Variants in VEPH1 observed in about 807,000 individuals in gnomAD.
The protein encoded by VEPH1 is ventricular zone expressed PH domain containing 1.
A neutral mutation model predicts 85.2 loss-of-function variants in VEPH1; 80 were observed. That is an observed-to-expected ratio of 0.94 (90% confidence interval 0.78 to 1.13). The LOEUF (loss-of-function observed/expected upper bound fraction) is 1.13. VEPH1 is among the 50% of genes most tolerant of loss of function. VEPH1 has a pLI of 0.00. For missense variants in VEPH1, 955 were observed against 980.5 expected (o/e 0.97, Z 0.35); for synonymous variants, 297 against 348.0 (o/e 0.85, Z 1.63).
chr3:157,289,336 G>GA (rs1234857222), intron 11 of VEPH1, among the ~76,000 whole-genome samples: 8 of 152,112 alleles, frequency 5.3e-5, no homozygotes, highest in Non-Finnish European at 8.8e-5. Context: ...ATTTGTCTTG[G>GA]AAAAAAGTTT....
intron 3 of VEPH1, among the ~76,000 whole-genome samples, chr3:157,466,552 C>A (rs765157311): frequency 6.6e-6 from 1 of 152,202 alleles, no homozygotes; most frequent in East Asian, 1.9e-4. Flanking sequence ...TATGTAATAT[C>A]ATTTTTAACT....
intron 6 of VEPH1, among the ~76,000 whole-genome samples, chr3:157,407,342 T>G (rs1731222879): frequency 6.6e-6 from 1 of 152,188 alleles, no homozygotes; most frequent in African/African-American, 2.4e-5. Flanking sequence ...TGGAAAGCAA[T>G]GTACTTCCAG....
chr3:157,336,725 A>G (rs1007531627), intron 9 of VEPH1, among the ~76,000 whole-genome samples: 4 of 152,212 alleles, frequency 2.6e-5, no homozygotes, highest in African/African-American at 9.7e-5. Flanking sequence ...AATGTGGAAA[A>G]ATATAATCTA....
intron 12 of VEPH1, among the ~76,000 whole-genome samples, chr3:157,269,642 G>GTTTTTTTT (rs11408861): frequency 7.1e-4 from 82 of 115,410 alleles, no homozygotes; most frequent in African/African-American, 1.4e-3. Context: ...TGTTTTTGTT[G>GTTTTTTTT]TTTTTTTTTT....
chr3:157,348,864 C>G (rs1724535801), intron 9 of VEPH1, among the ~76,000 whole-genome samples: 2 of 152,228 alleles, frequency 1.3e-5, no homozygotes, highest in Admixed American at 6.5e-5. Context: ...CACTCAAGGT[C>G]TGAAAAATGG....
intron 7 of VEPH1, among the ~76,000 whole-genome samples, chr3:157,377,085 GA>G (rs1728208167): frequency 6.6e-6 from 1 of 152,172 alleles, no homozygotes; most frequent in African/African-American, 2.4e-5. Context: ...GAGCCGTTCA[GA>G]CAAAAGGCTG....
rs377094292 is a variant in VEPH1 at position 157,393,860 on chromosome 3, T to C, written c.907-12484A>G. On this transcript the variant is annotated intron_variant, in intron 6 of 13. Transcript: ENST00000362010. ...AGGTATATGATTGTTTTTCCTATTC[T>C]ATTGGAAGACTTTTGTTACCTCCGG... is the stretch of plus-strand genomic sequence containing the variant. 5.7e-4 allele frequency among the ~76,000 whole-genome samples: 87 copies of C among 152,354 alleles called. 2 individuals are homozygous for C. The South Asian group carries it at 0.014, about 25-fold the overall frequency.
At chr3:157,414,170 G>T in intron 5 of VEPH1, 80 bp from the exon 6 acceptor site, 1 of 1,217,672 alleles carries the variant, frequency 8.2e-7, no homozygotes, top group Non-Finnish European at 1.1e-6. Context: ...AATTTTGAAA[G>T]CAAACTTTTT....
At chr3:157,262,073 C>T (rs1162216220) in intron 13 of VEPH1, among the ~76,000 whole-genome samples, 6 of 152,144 alleles carry the variant, frequency 3.9e-5, no homozygotes, top group African/African-American at 1.4e-4. Flanking sequence ...AGAATCTTGC[C>T]AATTCTCCTT....
chr3:157,485,941 A>G (rs1393235559), intron 2 of VEPH1, among the ~76,000 whole-genome samples: 1 of 152,182 alleles, frequency 6.6e-6, no homozygotes. Context: ...ACTTGTGCAT[A>G]CATAATAAAA....
chr3:157,285,877 C>G (rs1473189496), intron 12 of VEPH1, among the ~76,000 whole-genome samples: 1 of 152,224 alleles, frequency 6.6e-6, no homozygotes, highest in Non-Finnish European at 1.5e-5. Flanking sequence ...CCATACCTCT[C>G]TGTGCCTCAG....
chr3:157,422,947 G>A (rs1732460380), intron 5 of VEPH1, among the ~76,000 whole-genome samples: 1 of 152,064 alleles, frequency 6.6e-6, no homozygotes, highest in African/African-American at 2.4e-5. Flanking sequence ...AACAACTGGT[G>A]AGCCCCAATT....
chr3:157,303,503 C>T (rs185062718), intron 11 of VEPH1, among the ~76,000 whole-genome samples: 9 of 152,312 alleles, frequency 5.9e-5, no homozygotes, highest in African/African-American at 2.2e-4. Context: ...TGTTATTTCT[C>T]ATGCCATTCT....
Position 157,259,932 on chromosome 3 carries a change from T to C in VEPH1, c.*1202A>G, listed in dbSNP as rs1282746935. The stretch of plus-strand genomic sequence containing the variant: ...ATGGTTGTTCACAAAACTTATTTCC[T>C]TGCAGCCGTAGAGCTCATGGCAGCT... On this transcript the variant is annotated 3_prime_UTR_variant, in exon 14 of 14. Transcript: ENST00000362010. 1.3e-5 allele frequency: 2 copies of C among 152,148 alleles called. No homozygotes were observed. The highest frequency in any genetic ancestry group is 2.9e-5 in the Non-Finnish European group (2 of 68,024). 9.4% of individuals were successfully genotyped at this position (152,148 alleles called of 1,614,324 possible). A position where few individuals can be genotyped will look rare whatever the true frequency, so the allele number is the denominator to read the frequency against.
intron 9 of VEPH1, among the ~76,000 whole-genome samples, chr3:157,343,005 A>T (rs1233900709): frequency 6.6e-6 from 1 of 152,232 alleles, no homozygotes; most frequent in East Asian, 1.9e-4. Flanking sequence ...ACATACCAGA[A>T]TCTCTGGGAC....
chr3:157,501,289 C>T (rs1740077543), intron 1 of VEPH1, among the ~76,000 whole-genome samples: 1 of 152,154 alleles, frequency 6.6e-6, no homozygotes, highest in African/African-American at 2.4e-5. Context: ...TTTTGGCAAC[C>T]TTATCTTGTT....
chr3:157,378,306 G>GTATA (rs56800722), intron 7 of VEPH1, among the ~76,000 whole-genome samples: 48 of 94,614 alleles, frequency 5.1e-4, no homozygotes, highest in South Asian at 7.8e-4. Context: ...TTTTTGAATG[G>GTATA]TATATATATA....
At chr3:157,297,481 G>C (rs1463717166) in intron 11 of VEPH1, among the ~76,000 whole-genome samples, 15 of 152,126 alleles carry the variant, frequency 9.9e-5, no homozygotes, top group African/African-American at 3.6e-4. Context: ...AATGTGCATG[G>C]GTAATGGTGC....
intron 9 of VEPH1, among the ~76,000 whole-genome samples, chr3:157,330,365 T>C (rs1254471064): frequency 1.3e-5 from 2 of 152,222 alleles, no homozygotes; most frequent in Non-Finnish European, 2.9e-5. Flanking sequence ...AAAACCCATC[T>C]GCACTGTATG....
Sources: allele counts gnomAD v4.1 joint callset (sites outside exome capture counted in the v4.1 genomes callset), GRCh38; gene constraint gnomAD v4.1.1; transcripts MANE v1.5; gene names NCBI Gene and HGNC (gene_info 2026-07-23, HGNC 2026-07-21).